ZNF536: variants seen among roughly 807,000 people sequenced by gnomAD.
ZNF536 encodes the protein zinc finger protein 536.
In ZNF536, 13 loss-of-function variants were observed where a neutral mutation model predicts 84.5. The observed-to-expected ratio is 0.15, with a 90% CI of 0.10 to 0.24. The LOEUF (loss-of-function observed/expected upper bound fraction) is 0.24, where lower values mean the gene tolerates loss of function less well. Ranked by LOEUF, ZNF536 falls within the 10% of genes least tolerant of loss-of-function variation. The pLI, the probability that ZNF536 is intolerant of heterozygous loss-of-function variation, is 1.00. For missense variants in ZNF536, 1,536 were observed against 1,747.5 expected, an observed-to-expected ratio of 0.88 and a Z score of 2.16; for synonymous variants, 811 against 742.5, an observed-to-expected ratio of 1.09 and a Z score of -1.50.
chr19:30,230,488 A>C (rs1183323418), intron 1 of ZNF536, among the ~76,000 whole-genome samples: 4 of 152,216 alleles, frequency 2.6e-5, no homozygotes, highest in Non-Finnish European at 4.4e-5. Context: ...CAACTCAGCA[A>C]CTTAACTGCT....
chr19:30,687,946 T>C (rs1233488800), intron 1 of ZNF536, among the ~76,000 whole-genome samples: 1 of 151,938 alleles, frequency 6.6e-6, no homozygotes, highest in Non-Finnish European at 1.5e-5. Flanking sequence ...TTGATTTTAT[T>C]ACGTGTAGAG....
intron 2 of ZNF536, among the ~76,000 whole-genome samples, chr19:30,457,865 C>T (rs992109712): frequency 1.3e-5 from 2 of 152,202 alleles, no homozygotes; most frequent in African/African-American, 4.8e-5. Context: ...GAGGGCTGCA[C>T]CCCCAGTATG....
intron 1 of ZNF536, among the ~76,000 whole-genome samples, chr19:30,628,573 T>A (rs913880505): frequency 1.3e-5 from 2 of 151,788 alleles, no homozygotes; most frequent in African/African-American, 4.8e-5. Context: ...GGACTACAGG[T>A]ACCCGCCACC....
At chr19:30,397,510 A>G (rs1370344779) in intron 1 of ZNF536, among the ~76,000 whole-genome samples, 1 of 152,214 alleles carries the variant, frequency 6.6e-6, no homozygotes, top group Non-Finnish European at 1.5e-5. Flanking sequence ...ATGAGTAGAC[A>G]AGATTCCTCA....
At position 30,548,205 on chromosome 19, in the gene ZNF536, G is replaced by T. The variant is rs201889289; in HGVS notation, c.2586G>T (p.Gly862=). 1.2e-6 allele frequency: 2 copies of T among 1,614,178 alleles called. No individual in the cohort carries two copies. Among genetic ancestry groups the T allele is most frequent in the African/African-American group, 1.3e-5 (1 of 75,036 alleles). ...CTGCATCTCAGCAGTGGACATCAGGGGTTCTCTCCTCTGGAGATCACTCGG... is the reference window on the plus strand; with the variant it reads ...CTGCATCTCAGCAGTGGACATCAGGTGTTCTCTCCTCTGGAGATCACTCGG... ...GGPASQQWTS[G]VLSSGDHSGQ... The change falls in exon 4 of 5, where the codon GGG becomes GGT. Residue 862 remains glycine, a synonymous_variant. Coordinates refer to ENST00000355537, the MANE Select transcript of ZNF536 (RefSeq NM_014717.3).
chr19:30,329,263 A>G (rs1414801901), intron 2 of ZNF536, among the ~76,000 whole-genome samples: 2 of 152,200 alleles, frequency 1.3e-5, no homozygotes, highest in Non-Finnish European at 1.5e-5. Flanking sequence ...CTTACAGGGA[A>G]CATTTTTGCT....
At chr19:30,406,356 C>A (rs1381091231) in intron 1 of ZNF536, among the ~76,000 whole-genome samples, 1 of 151,932 alleles carries the variant, frequency 6.6e-6, no homozygotes, top group Non-Finnish European at 1.5e-5. Context: ...CAGGTGCCAC[C>A]GAGCAAGAAT....
chr19:30,331,481 A>G (rs770633989), intron 2 of ZNF536, among the ~76,000 whole-genome samples: 20 of 151,838 alleles, frequency 1.3e-4, no homozygotes, highest in Non-Finnish European at 2.2e-4. Flanking sequence ...GAGGTCACCA[A>G]TGTCCTTGAT....
intron 2 of ZNF536, among the ~76,000 whole-genome samples, chr19:30,483,989 A>G (rs1437031445): frequency 1.3e-5 from 2 of 151,338 alleles, no homozygotes; most frequent in African/African-American, 2.4e-5. Flanking sequence ...TCACCATCCC[A>G]ATTCTTTGCC....
intron 1 of ZNF536, among the ~76,000 whole-genome samples, chr19:30,649,312 T>C (rs1320186395): frequency 6.6e-6 from 1 of 152,210 alleles, no homozygotes; most frequent in Non-Finnish European, 1.5e-5. Flanking sequence ...AGAAACAGCG[T>C]TTGGATTATA....
chr19:30,554,093 C>G (rs922870860), intron 4 of ZNF536: 3 of 135,518 alleles, frequency 2.2e-5, no homozygotes, highest in South Asian at 2.1e-4. Flanking sequence ...ACCCCCCCCC[C>G]TCCCAAGAAT....
chr19:30,352,123 A>G (rs2047949855), intron 2 of ZNF536, among the ~76,000 whole-genome samples: 2 of 152,158 alleles, frequency 1.3e-5, no homozygotes, highest in South Asian at 4.2e-4. Context: ...AATCCTGATA[A>G]ATATAAGCTT....
At chr19:30,290,120 A>G (rs2045785044) in intron 2 of ZNF536, among the ~76,000 whole-genome samples, 2 of 152,180 alleles carry the variant, frequency 1.3e-5, no homozygotes, top group Non-Finnish European at 2.9e-5. Context: ...ATGGAACCAT[A>G]TAGTATTTAA....
chr19:30,291,087 A>G (rs1423249624), intron 2 of ZNF536, among the ~76,000 whole-genome samples: 1 of 152,178 alleles, frequency 6.6e-6, no homozygotes, highest in Admixed American at 6.5e-5. Flanking sequence ...CCAGTCTATC[A>G]TTGATGGGCA....
intron 2 of ZNF536, among the ~76,000 whole-genome samples, chr19:30,534,138 C>G (rs188710476): frequency 7.0e-4 from 107 of 152,354 alleles, no homozygotes; most frequent in Middle Eastern, 3.4e-3. Flanking sequence ...AGGAAGTTCT[C>G]AAGTCACTGC....
At chr19:30,427,568 G>T (rs78533186) in intron 1 of ZNF536, among the ~76,000 whole-genome samples, 87 of 152,228 alleles carry the variant, frequency 5.7e-4, no homozygotes, top group East Asian at 1.2e-3. Flanking sequence ...ATCTCAGCCG[G>T]TTGGCTTTCT....
chr19:30,327,866 G>C (rs4805547), intron 2 of ZNF536, among the ~76,000 whole-genome samples: 106,334 of 152,054 alleles, frequency 0.7, 38,147 homozygotes, highest in African/African-American at 0.86. Context: ...AGTTAGGAAC[G>C]ATGATGACTT....
chr19:30,392,218 C>T (rs1433067), intron 1 of ZNF536, among the ~76,000 whole-genome samples: 148,708 of 152,184 alleles, frequency 0.98, 72,786 homozygotes, highest in Non-Finnish European at 0.99. Flanking sequence ...GCCCAGCGCT[C>T]TCATGGGTCT....
intron 3 of ZNF536, among the ~76,000 whole-genome samples, chr19:30,360,617 TAGTC>T: frequency 6.6e-6 from 1 of 152,122 alleles, no homozygotes; most frequent in Admixed American, 6.5e-5. Context: ...TGGAAGGTGA[TAGTC>T]GGTCTGACGC....
Sources: allele counts gnomAD v4.1 joint callset (sites outside exome capture counted in the v4.1 genomes callset), GRCh38; gene constraint gnomAD v4.1.1; transcripts MANE v1.5; gene names NCBI Gene and HGNC (gene_info 2026-07-23, HGNC 2026-07-21).